TLN2: variants seen among roughly 807,000 people sequenced by gnomAD.
TLN2 encodes the protein talin 2.
Under a neutral mutation model 294.7 loss-of-function variants are expected in TLN2, and 118 were observed. The ratio of observed to expected loss-of-function variants is 0.40; its 90% CI spans 0.34 to 0.47. TLN2 has a LOEUF of 0.47. TLN2 is among the 20% of genes least tolerant of loss of function. The probability of loss-of-function intolerance (pLI) is 0.84; values close to 1 mark genes in which losing one functional copy is unlikely to be tolerated. For missense variants in TLN2, 3,083 were observed against 3,282.2 expected (o/e 0.94, Z 1.48); for synonymous variants, 1,431 against 1,304.5 (o/e 1.10, Z -2.09).
chr15:62,543,971 C>G (rs557742479), intron 1 of TLN2, among the ~76,000 whole-genome samples: 63 of 151,992 alleles, frequency 4.1e-4, no homozygotes, highest in Non-Finnish European at 6.6e-4. Flanking sequence ...CTGGGGCTGG[C>G]GTGGAGGGTA....
At chr15:62,560,574 G>A (rs748797307) in intron 1 of TLN2, among the ~76,000 whole-genome samples, 8 of 152,310 alleles carry the variant, frequency 5.3e-5, no homozygotes, top group Non-Finnish European at 1.0e-4. Context: ...TGATCCGCGC[G>A]CCTGGCCTCC....
At chr15:62,611,626 C>T (rs1408463937) in intron 2 of TLN2, among the ~76,000 whole-genome samples, 1 of 152,218 alleles carries the variant, frequency 6.6e-6, no homozygotes, top group African/African-American at 2.4e-5. Flanking sequence ...AATCTCCTAT[C>T]CTTCCTTCCT....
intron 1 of TLN2, among the ~76,000 whole-genome samples, chr15:62,405,271 G>C (rs2033321024): frequency 6.6e-6 from 1 of 152,144 alleles, no homozygotes; most frequent in Non-Finnish European, 1.5e-5. Flanking sequence ...TCACTAAACT[G>C]AATCGGGAGC....
chr15:62,738,476 C>T (rs745884104), intron 30 of TLN2, 143 bp downstream of exon 30: 70 of 1,241,964 alleles, frequency 5.6e-5, no homozygotes, highest in Non-Finnish European at 7.1e-5. Flanking sequence ...CTTTGTTTTC[C>T]ATGTTTTGCT....
chr15:62,698,459 C>T (rs981965585), intron 15 of TLN2, among the ~76,000 whole-genome samples: 2 of 152,198 alleles, frequency 1.3e-5, no homozygotes, highest in Non-Finnish European at 2.9e-5. Context: ...GATTGGATCA[C>T]CCCAGTTCCC....
intron 21 of TLN2, among the ~76,000 whole-genome samples, chr15:62,711,041 T>C (rs1037842233): frequency 1.3e-5 from 2 of 152,148 alleles, no homozygotes; most frequent in Admixed American, 6.6e-5. Context: ...GATGTCCTTT[T>C]ACCGTCTCGG....
At chr15:62,695,352 A>G (rs1486476302) in intron 14 of TLN2, among the ~76,000 whole-genome samples, 1 of 152,178 alleles carries the variant, frequency 6.6e-6, no homozygotes, top group Non-Finnish European at 1.5e-5. Flanking sequence ...AGCGATGGGG[A>G]CAATCCTGAC....
chr15:62,517,059 T>C (rs1191724615), intron 1 of TLN2, among the ~76,000 whole-genome samples: 1 of 152,210 alleles, frequency 6.6e-6, no homozygotes, highest in Non-Finnish European at 1.5e-5. Context: ...TGAAGATCAG[T>C]GGATACGGAT....
intron 1 of TLN2, among the ~76,000 whole-genome samples, chr15:62,553,328 A>G (rs1262590739): frequency 6.6e-6 from 1 of 152,102 alleles, no homozygotes; most frequent in Non-Finnish European, 1.5e-5. Flanking sequence ...CACCATCTCT[A>G]CTAAAAATTA....
intron 35 of TLN2, among the ~76,000 whole-genome samples, chr15:62,753,509 AAAG>A: frequency 6.6e-6 from 1 of 152,310 alleles, no homozygotes; most frequent in South Asian, 2.1e-4. Flanking sequence ...CCATGCCCCC[AAAG>A]AAGAATTTCT....
chr15:62,410,931 T>C lies in TLN2; in HGVS notation c.-238+20246T>C, dbSNP rs115212814. 2.2e-3 allele frequency among the ~76,000 whole-genome samples: 336 copies of C among 152,354 alleles called. 3 individuals carry two copies. The highest frequency in any genetic ancestry group is 7.8e-3 in the African/African-American group (325 of 41,580). On this transcript the variant is annotated intron_variant, in intron 1 of 58. Coordinates refer to ENST00000636159, the MANE Select transcript of TLN2 (RefSeq NM_015059.3). The stretch of plus-strand genomic sequence containing the variant: ...TAGTGTATCTTGTAAATTCGTGTTT[T>C]ATAGTTTGGGAGTCTTTTAAACCAG...
chr15:62,760,329 T>C (rs2062584466), intron 37 of TLN2, among the ~76,000 whole-genome samples: 1 of 152,316 alleles, frequency 6.6e-6, no homozygotes, highest in South Asian at 2.1e-4. Flanking sequence ...GTAGTTGTTA[T>C]TCAGAAATCG....
chr15:62,651,631 A>G (rs2052593996), intron 5 of TLN2, among the ~76,000 whole-genome samples: 2 of 152,226 alleles, frequency 1.3e-5, no homozygotes, highest in South Asian at 4.1e-4. Flanking sequence ...AAATGCAGGT[A>G]TGTTGACCAT....
chr15:62,518,350 T>C lies in TLN2; in HGVS notation c.-237-71337T>C, dbSNP rs141316910. On this transcript the variant is annotated intron_variant, in intron 1 of 58. Coordinates refer to ENST00000636159, the MANE Select transcript of TLN2 (RefSeq NM_015059.3). ...CCACCAGCACATTTCTTTATAGTTATTTGTGTCGGAGGCAGGAAGGAGCCA... is the reference window on the plus strand; with the variant it reads ...CCACCAGCACATTTCTTTATAGTTACTTGTGTCGGAGGCAGGAAGGAGCCA... Among the ~76,000 whole-genome samples the C allele has an allele frequency of 2.8e-4, 43 of 152,202 alleles. No homozygotes were observed. In the East Asian group the frequency reaches 3.9e-3, roughly 14 times the overall value.
intron 28 of TLN2, among the ~76,000 whole-genome samples, chr15:62,732,243 A>G (rs2060771898): frequency 6.6e-6 from 1 of 152,234 alleles, no homozygotes; most frequent in Non-Finnish European, 1.5e-5. Context: ...AGACTACTTT[A>G]CATGTTGCGT....
intron 2 of TLN2, among the ~76,000 whole-genome samples, chr15:62,606,042 T>C (rs2047408727): frequency 6.6e-6 from 1 of 152,192 alleles, no homozygotes; most frequent in South Asian, 2.1e-4. Context: ...TGATGACTGA[T>C]AGAACTTAAT....
intron 1 of TLN2, among the ~76,000 whole-genome samples, chr15:62,535,839 C>T (rs1162482510): frequency 6.6e-6 from 1 of 152,194 alleles, no homozygotes; most frequent in Non-Finnish European, 1.5e-5. Flanking sequence ...AGGCGTGAGC[C>T]ACCGTACCTG....
intron 14 of TLN2, among the ~76,000 whole-genome samples, chr15:62,694,821 G>T (rs188243246): frequency 6.6e-6 from 1 of 152,162 alleles, no homozygotes; most frequent in Non-Finnish European, 1.5e-5. Flanking sequence ...TGCATGCCAC[G>T]CTTGTCTCGA....
chr15:62,413,131 G>C (rs1214458406), intron 1 of TLN2, among the ~76,000 whole-genome samples: 1 of 152,174 alleles, frequency 6.6e-6, no homozygotes, highest in African/African-American at 2.4e-5. Flanking sequence ...AAAAGGGAAA[G>C]TCATTATAAG....
Sources: allele counts gnomAD v4.1 joint callset (sites outside exome capture counted in the v4.1 genomes callset), GRCh38; gene constraint gnomAD v4.1.1; transcripts MANE v1.5; gene names NCBI Gene and HGNC (gene_info 2026-07-23, HGNC 2026-07-21).